NELL2: variants seen among roughly 807,000 people sequenced by gnomAD.
NELL2 encodes the protein neural EGFL like 2.
A neutral mutation model predicts 109.6 loss-of-function variants in NELL2; 41 were observed. The observed-to-expected ratio is 0.37, with a 90% CI of 0.29 to 0.49. NELL2 has a LOEUF of 0.49. NELL2 is among the 20% of genes least tolerant of loss of function. NELL2 has a pLI of 0.98. For missense variants in NELL2, 900 were observed against 1,008.3 expected (o/e 0.89, Z 1.45); for synonymous variants, 355 against 344.7 (o/e 1.03, Z -0.33).
chr12:44,720,025 C>T (rs1387658447), intron 9 of NELL2, among the ~76,000 whole-genome samples: 2 of 114,256 alleles, frequency 1.8e-5, no homozygotes, highest in South Asian at 2.8e-4. Context: ...TTTATCCTGC[C>T]TACAACCTTT....
intron 15 of NELL2, among the ~76,000 whole-genome samples, chr12:44,594,800 C>T (rs1291079920): frequency 6.6e-6 from 1 of 152,138 alleles, no homozygotes; most frequent in African/African-American, 2.4e-5. Flanking sequence ...GTATTTTAGA[C>T]ACTTACTAAA....
chr12:44,847,130 A>T (rs1944395128), intron 2 of NELL2, among the ~76,000 whole-genome samples: 1 of 152,218 alleles, frequency 6.6e-6, no homozygotes, highest in African/African-American at 2.4e-5. Flanking sequence ...GCCAGGACAG[A>T]AAAAGGACCA....
chr12:44,783,487 G>A (rs1397052266), intron 3 of NELL2, among the ~76,000 whole-genome samples: 1 of 151,690 alleles, frequency 6.6e-6, no homozygotes, highest in Non-Finnish European at 1.5e-5. Context: ...AAAGAGAAAA[G>A]ATATCAATAT....
chr12:44,766,999 G>A (rs1941359376), intron 9 of NELL2, among the ~76,000 whole-genome samples: 1 of 152,122 alleles, frequency 6.6e-6, no homozygotes, highest in Admixed American at 6.6e-5. Context: ...TAGAAGCTGA[G>A]TACTGTCTAT....
At chr12:44,622,755 C>G (rs1483176204) in intron 13 of NELL2, among the ~76,000 whole-genome samples, 1 of 152,022 alleles carries the variant, frequency 6.6e-6, no homozygotes, top group South Asian at 2.1e-4. Context: ...AGTGATGAGA[C>G]TATGGGGCAA....
At chr12:44,772,915 T>C (rs1384365778) in intron 9 of NELL2, among the ~76,000 whole-genome samples, 5 of 152,218 alleles carry the variant, frequency 3.3e-5, no homozygotes, top group Admixed American at 3.3e-4. Flanking sequence ...TCTTCATTAA[T>C]GAATCTCAAA....
rs148052194 is a variant in NELL2 at position 44,921,476 on chromosome 12, G to A, written c.-32+314C>T. Among the ~76,000 whole-genome samples, 736 of 152,256 alleles carry A rather than the reference G, an allele frequency of 4.8e-3. 6 individuals are homozygous for A. Among genetic ancestry groups the A allele is most frequent in the African/African-American group, 0.017 (693 of 41,550 alleles). Reference sequence around the variant, plus strand: ...GTGGGCCCCAAAGTTAGACAGGCAGGCTTGAATTGTGGCTCCAGCTCACAT... The same window carrying A: ...GTGGGCCCCAAAGTTAGACAGGCAGACTTGAATTGTGGCTCCAGCTCACAT... On this transcript the variant is annotated intron_variant, in intron 1 of 9. Transcript: ENST00000552993.
At chr12:44,716,503 ATTTACT>A (rs1325677945) in intron 9 of NELL2, among the ~76,000 whole-genome samples, 4 of 152,158 alleles carry the variant, frequency 2.6e-5, no homozygotes, top group Admixed American at 2.0e-4. Context: ...TGGTATGTGC[ATTTACT>A]TAATAAACAT....
At chr12:44,673,833 T>A (rs758329145) in intron 12 of NELL2, among the ~76,000 whole-genome samples, 49 of 152,166 alleles carry the variant, frequency 3.2e-4, no homozygotes, top group African/African-American at 1.2e-3. Context: ...AAATATTACA[T>A]GGTCAAATAA....
chr12:44,588,125 C>T (rs565019565), intron 15 of NELL2, among the ~76,000 whole-genome samples: 85 of 150,814 alleles, frequency 5.6e-4, no homozygotes, highest in Non-Finnish European at 8.1e-4. Context: ...CCGAGATCAT[C>T]GTGCCACTGC....
chr12:44,700,045 T>C (rs1299297212), intron 12 of NELL2, among the ~76,000 whole-genome samples: 1 of 152,152 alleles, frequency 6.6e-6, no homozygotes, highest in Non-Finnish European at 1.5e-5. Flanking sequence ...AGATGTCCCA[T>C]AGGCACTCCA....
chr12:44,587,300 T>TAC (rs1944556299), intron 15 of NELL2, among the ~76,000 whole-genome samples: 1 of 111,032 alleles, frequency 9.0e-6, no homozygotes, highest in Non-Finnish European at 1.8e-5. Flanking sequence ...TATATATATA[T>TAC]ATATATATTT....
At chr12:44,522,396 T>C (rs569455462) in intron 17 of NELL2, among the ~76,000 whole-genome samples, 2 of 152,214 alleles carry the variant, frequency 1.3e-5, no homozygotes, top group East Asian at 3.9e-4. Context: ...ATACTACTCC[T>C]CAAATGACCA....
intron 9 of NELL2, among the ~76,000 whole-genome samples, chr12:44,761,930 T>A (rs550988105): frequency 6.6e-6 from 1 of 152,188 alleles, no homozygotes; most frequent in African/African-American, 2.4e-5. Flanking sequence ...CTGGGTATCA[T>A]GTTCAGTATT....
intron 1 of NELL2, among the ~76,000 whole-genome samples, chr12:44,888,254 TAA>T (rs1365969528): frequency 6.6e-6 from 1 of 152,048 alleles, no homozygotes; most frequent in African/African-American, 2.4e-5. Context: ...TAGCAAATTT[TAA>T]AGTCAGGTAT....
At chr12:44,684,210 G>A (rs139372189) in intron 12 of NELL2, among the ~76,000 whole-genome samples, 18,325 of 152,206 alleles carry the variant, frequency 0.12, 1,396 homozygotes, top group East Asian at 0.21. Flanking sequence ...TTGCATAGAC[G>A]TGTTTGTAGT....
chr12:44,815,212 T>C (rs925621708), intron 3 of NELL2, among the ~76,000 whole-genome samples: 7 of 152,040 alleles, frequency 4.6e-5, no homozygotes, highest in Admixed American at 2.6e-4. Context: ...CCAGAGCTCC[T>C]AATCCTGTCT....
Position 44,746,433 on chromosome 12 carries a change from A to C in NELL2, c.994+28314T>G, listed in dbSNP as rs560302932. ...ACACCAAAAGCAATGGCAACAAAAG[A>C]CAAAATTGACAAATGGGATCTAATT... On this transcript the variant is annotated intron_variant, in intron 9 of 19. Transcript: ENST00000429094. 2.4e-3 allele frequency among the ~76,000 whole-genome samples: 362 copies of C among 152,176 alleles called. 1 individual carries two copies. The highest frequency in any genetic ancestry group is 8.1e-3 in the African/African-American group (338 of 41,508).
rs75445971 is a variant in NELL2 at position 44,619,215 on chromosome 12, T to G, written c.1445-8245A>C. The stretch of plus-strand genomic sequence containing the variant: ...CTGGAGAAAACACAGGTGCACAAGA[T>G]AAAAGCATGGGGTATAAAAAGGCCC... On this transcript the variant is annotated intron_variant, in intron 13 of 19. Coordinates refer to ENST00000429094, the MANE Select transcript of NELL2 (RefSeq NM_001145108.2). Among the ~76,000 whole-genome samples, 16 of 152,138 alleles carry G rather than the reference T, an allele frequency of 1.1e-4. No homozygotes were observed. The East Asian group carries it at 2.7e-3, about 26-fold the overall frequency.
Sources: gnomAD v4.1 joint callset for allele counts (sites outside exome capture counted in the v4.1 genomes callset) on GRCh38, gnomAD v4.1.1 for gene constraint, MANE v1.5 for transcripts, NCBI Gene and HGNC (gene_info 2026-07-23, HGNC 2026-07-21) for gene names.